Variants in LOC400499 observed in about 807,000 individuals in gnomAD.
chr16:11,396,466 G>A, the LOC400499 span: 90 of 1,231,274 alleles, frequency 7.3e-5, no homozygotes, highest in Middle Eastern at 1.6e-3. Flanking sequence ...CAGGGATGCC[G>A]GGATATCTTT....
the LOC400499 span, among the ~76,000 whole-genome samples, chr16:11,426,193 T>C: frequency 6.6e-6 from 1 of 152,180 alleles, no homozygotes; most frequent in Non-Finnish European, 1.5e-5. Context: ...CCCAGCACTT[T>C]GGGAGGCTGA....
At chr16:11,384,865 A>C in the LOC400499 span, 7 of 1,232,048 alleles carry the variant, frequency 5.7e-6, no homozygotes, top group Non-Finnish European at 6.1e-6. Flanking sequence ...GGTGGGGCCA[A>C]CCCTCCTGGG....
At chr16:11,374,496 C>G in the LOC400499 span, among the ~76,000 whole-genome samples, 2 of 152,220 alleles carry the variant, frequency 1.3e-5, no homozygotes, top group African/African-American at 2.4e-5. Flanking sequence ...ACTGCTCTCT[C>G]CCAGCTCCCG....
At chr16:11,487,557 C>G in the LOC400499 span, among the ~76,000 whole-genome samples, 1 of 152,174 alleles carries the variant, frequency 6.6e-6, no homozygotes, top group Middle Eastern at 3.4e-3. Flanking sequence ...AGAGGGAGTC[C>G]AGGACACAGA....
At chr16:11,461,761 G>A in the LOC400499 span, among the ~76,000 whole-genome samples, 6 of 152,228 alleles carry the variant, frequency 3.9e-5, no homozygotes, top group South Asian at 4.2e-4. Flanking sequence ...GGAATCTTCC[G>A]GAACACCCAT....
the LOC400499 span, among the ~76,000 whole-genome samples, chr16:11,434,259 T>C: frequency 5.9e-5 from 9 of 152,328 alleles, no homozygotes; most frequent in African/African-American, 2.2e-4. Context: ...GGGTGGCTCA[T>C]GCCTGCAGTC....
At chr16:11,524,447 A>C in the LOC400499 span, among the ~76,000 whole-genome samples, 1 of 144,344 alleles carries the variant, frequency 6.9e-6, no homozygotes, top group Admixed American at 7.1e-5. Context: ...TAGGATTTGA[A>C]CCCAGGCACT....
the LOC400499 span, among the ~76,000 whole-genome samples, chr16:11,503,899 T>C: frequency 1.3e-5 from 2 of 152,184 alleles, no homozygotes; most frequent in Non-Finnish European, 2.9e-5. Context: ...GGGGCGTCTA[T>C]CCAAAAAATG....
the LOC400499 span, chr16:11,384,213 C>A: frequency 8.1e-7 from 1 of 1,231,776 alleles, no homozygotes; most frequent in South Asian, 4.1e-5. Context: ...TGCACCCGCT[C>A]ACCTGCCAGG....
chr16:11,453,650 A>T, the LOC400499 span, among the ~76,000 whole-genome samples: 2 of 152,020 alleles, frequency 1.3e-5, no homozygotes, highest in Admixed American at 1.3e-4. Context: ...GAACAGAACC[A>T]AAGGACAAAG....
the LOC400499 span, among the ~76,000 whole-genome samples, chr16:11,404,477 G>A: frequency 6.6e-6 from 1 of 152,146 alleles, no homozygotes; most frequent in Non-Finnish European, 1.5e-5. Context: ...CTCCCAAGTA[G>A]CTGAGATTGT....
chr16:11,508,873 G>A, the LOC400499 span: 3 of 398,946 alleles, frequency 7.5e-6, no homozygotes, highest in Admixed American at 1.3e-4. Context: ...GGTAAGAGGT[G>A]GATGGGATGA....
chr16:11,483,423 GAGAA>G, the LOC400499 span, among the ~76,000 whole-genome samples: 1 of 152,138 alleles, frequency 6.6e-6, no homozygotes, highest in Non-Finnish European at 1.5e-5. Flanking sequence ...CAGGTGAATG[GAGAA>G]ACAAACTGTG....
chr16:11,407,151 G>C, the LOC400499 span: 1 of 398,832 alleles, frequency 2.5e-6, no homozygotes, highest in East Asian at 3.6e-5. Context: ...GGCTGTCCCA[G>C]AGGCCCCCCA....
At chr16:11,398,265 T>C in the LOC400499 span, 2 of 1,174,200 alleles carry the variant, frequency 1.7e-6, no homozygotes, top group Non-Finnish European at 2.1e-6. Context: ...CACCCCTGCA[T>C]TCTGCGGGCA....
the LOC400499 span, among the ~76,000 whole-genome samples, chr16:11,375,543 C>G: frequency 6.7e-6 from 1 of 148,990 alleles, no homozygotes; most frequent in Admixed American, 6.6e-5. Context: ...GAACTCCTGA[C>G]CTCAAGTGAT....
the LOC400499 span, chr16:11,390,021 G>C: frequency 1.1e-6 from 1 of 873,858 alleles, no homozygotes; most frequent in Non-Finnish European, 1.5e-6. Flanking sequence ...AGGAGTCAGT[G>C]TGTCGGAAGG....
chr16:11,508,069 G>T, the LOC400499 span, among the ~76,000 whole-genome samples: 4 of 152,164 alleles, frequency 2.6e-5, no homozygotes, highest in African/African-American at 7.2e-5. Flanking sequence ...CTTGAGATAT[G>T]ATCATTCTAG....
At chr16:11,426,685 T>G in the LOC400499 span, among the ~76,000 whole-genome samples, 1,238 of 150,898 alleles carry the variant, frequency 8.2e-3, 15 homozygotes, top group African/African-American at 0.029. Context: ...TCCCAGCACT[T>G]TGGGAAGTTG....
Sources: allele counts gnomAD v4.1 joint callset (sites outside exome capture counted in the v4.1 genomes callset), GRCh38; gene constraint gnomAD v4.1.1; transcripts MANE v1.5.